SLC34A1: variants seen among roughly 807,000 people sequenced by gnomAD.
SLC34A1 encodes solute carrier family 34 member 1, also known as sodium-dependent phosphate transport protein 2A.
SLC34A1 carries 57 observed loss-of-function variants against 51.4 expected under a neutral mutation model. The ratio of observed to expected loss-of-function variants is 1.11; its 90% CI spans 0.90 to 1.38. The LOEUF (loss-of-function observed/expected upper bound fraction) is 1.38. Ranked by LOEUF, SLC34A1 falls within the 40% of genes most tolerant of loss-of-function variation. The pLI, the probability that SLC34A1 is intolerant of heterozygous loss-of-function variation, is 0.00. For missense variants in SLC34A1, 796 were observed against 835.6 expected, an observed-to-expected ratio of 0.95 and a Z score of 0.58; for synonymous variants, 368 against 358.0, an observed-to-expected ratio of 1.03 and a Z score of -0.32.
rs201304511 is a variant in SLC34A1, at chr5:177,387,874, G to A, written c.644+1G>A. 124 of 1,610,972 alleles carry A rather than the reference G, an allele frequency of 7.7e-5. No individual in the cohort carries two copies. The highest frequency in any genetic ancestry group is 3.3e-4 in the Middle Eastern group (2 of 6,076). On this transcript the variant is annotated splice_donor_variant, in intron 6 of 12. Coordinates refer to ENST00000324417, the MANE Select transcript of SLC34A1 (RefSeq NM_003052.5). LOFTEE classifies it high-confidence loss of function. The stretch of plus-strand genomic sequence containing the variant: ...CGGGGGACAGGACTGACTTCCGGCG[G>A]TGAGGGGGGCTGGGGGTTGGGGGCT...
At position 177,389,971 on chromosome 5, in the gene SLC34A1, AC is replaced by A. The variant is rs1234105156; in HGVS notation, c.936+1602del. ...GCTTGGAGAGTAGCTGGTGGGTGGG[AC>A]CCAAGCTCTCACTTTCATCCCCTTT... On this transcript the variant is annotated intron_variant, in intron 8 of 12. Coordinates refer to ENST00000324417, the MANE Select transcript of SLC34A1 (RefSeq NM_003052.5). 2.2e-6 allele frequency: 3 copies of A among 1,386,050 alleles called. No homozygotes were observed. In the African/African-American group the frequency reaches 4.4e-5, roughly 20 times the overall value. 85.9% of individuals were successfully genotyped at this position (1,386,050 alleles called of 1,614,324 possible). A position where few individuals can be genotyped will look rare whatever the true frequency, so the allele number is the denominator to read the frequency against.
At chr5:177,395,230 G>A (rs1358028835) in intron 10 of SLC34A1, among the ~76,000 whole-genome samples, 1 of 151,940 alleles carries the variant, frequency 6.6e-6, no homozygotes, top group Non-Finnish European at 1.5e-5. Flanking sequence ...TGAATTAGGG[G>A]GATAAATTCA....
At position 177,386,245 on chromosome 5, in the gene SLC34A1, G is replaced by C. The variant is rs145798898; in HGVS notation, c.284G>C (p.Arg95Pro). 1 of 1,544,210 alleles carries C rather than the reference G, an allele frequency of 6.5e-7. No individual in the cohort carries two copies. Among genetic ancestry groups the C allele is most frequent in the Non-Finnish European group, 8.9e-7 (1 of 1,120,096 alleles). ...KPESRLVPKLRQAGAMLLKVP... is the reference protein window; with the variant it reads ...KPESRLVPKLPQAGAMLLKVP... ...GAGTCCAGGCTGGTCCCCAAGCTGC[G>C]CCAGGCTGGCGCCATGCTGCTCAAG... Residue 95 changes from arginine (R) to proline (P), a missense_variant, in exon 4 of 13, where the codon CGC becomes CCC. By Grantham distance (103) the Arg-to-Pro change is moderately radical (BLOSUM62 -2). Transcript: ENST00000324417. The surrounding 1 kb of genome is among the most constrained non-coding windows in gnomAD (Gnocchi z 4.8).
intron 12 of SLC34A1, 102 bp from the exon 13 acceptor site, chr5:177,397,681 C>G: frequency 6.6e-7 from 1 of 1,513,966 alleles, no homozygotes; most frequent in Non-Finnish European, 9.1e-7. Context: ...AACTTTCCTG[C>G]TGCCCAGACC....
At chr5:177,394,300 AC>A (rs1480607301) in intron 10 of SLC34A1, 105 bp downstream of exon 10, 9 of 1,265,568 alleles carry the variant, frequency 7.1e-6, no homozygotes, top group Admixed American at 1.8e-5. Context: ...CATCTCTGAG[AC>A]TCAGTTTCCC....
intron 8 of SLC34A1, among the ~76,000 whole-genome samples, chr5:177,390,686 C>G (rs566486277): frequency 6.6e-6 from 1 of 151,994 alleles, no homozygotes; most frequent in Admixed American, 6.6e-5. Flanking sequence ...CCAGGTGGTG[C>G]TGCTGGCACA....
In SLC34A1 at chr5:177,397,827, G is replaced by A; in HGVS notation, c.1461G>A (p.Leu487=). ...TCTTCAACATCTCGGGTATCCTTCT[G>A]TGGTACCCGGTGCCCTGCACACGCC... ...HFFFNISGIL[L]WYPVPCTRLP... Residue 487 remains leucine, a synonymous_variant, in exon 13 of 13, where the codon CTG becomes CTA. Coordinates refer to ENST00000324417, the MANE Select transcript of SLC34A1 (RefSeq NM_003052.5). 1.2e-6 allele frequency: 2 copies of A among 1,613,212 alleles called. No individual in the cohort carries two copies. The highest frequency in any genetic ancestry group is 2.2e-5 in the South Asian group (2 of 91,082).
chr5:177,390,512 G>C (rs1380312169), intron 8 of SLC34A1: 2 of 348,856 alleles, frequency 5.7e-6, no homozygotes. Context: ...GTAGAATCCT[G>C]ACTATCTCGT....
In SLC34A1 at chr5:177,386,544, C is replaced by A. The variant is rs552176812; in HGVS notation, c.510C>A (p.Ile170=). 1 of 1,614,068 alleles carries A rather than the reference C, an allele frequency of 6.2e-7. No individual in the cohort carries two copies. The highest frequency in any genetic ancestry group is 8.5e-7 in the Non-Finnish European group (1 of 1,179,926). The change falls in exon 5 of 13, where the codon ATC becomes ATA. Residue 170 remains isoleucine (I), a synonymous_variant. Coordinates refer to ENST00000324417, the MANE Select transcript of SLC34A1 (RefSeq NM_003052.5). The surrounding 1 kb of genome is among the most constrained non-coding windows in gnomAD (Gnocchi z 4.8). ...VQSSSTSTSI[I]VSMVSSGLLE... ...GCTCCAGCACCTCCACATCCATCAT[C>A]GTCAGCATGGTCTCCTCTGGCTGTG...
At position 177,397,832 on chromosome 5, in the gene SLC34A1, A is replaced by G. The variant is rs756685605; in HGVS notation, c.1466A>G (p.Tyr489Cys). ...AACATCTCGGGTATCCTTCTGTGGT[A>G]CCCGGTGCCCTGCACACGCCTGCCC... ...FFNISGILLW[Y>C]PVPCTRLPIR... is the part of the protein sequence containing the mutation. Residue 489 changes from tyrosine to cysteine, a missense_variant, in exon 13 of 13, where the codon TAC (tyrosine) becomes TGC (cysteine). Physicochemically the swap from Tyr to Cys is radical, Grantham distance 194 (BLOSUM62 -2). Transcript: ENST00000324417. 71 of 1,613,100 alleles carry G rather than the reference A, an allele frequency of 4.4e-5. No homozygotes were observed. Among genetic ancestry groups the G allele is most frequent in the Non-Finnish European group, 5.8e-5 (69 of 1,180,012 alleles).
At chr5:177,391,710 G>A (rs945120395) in intron 8 of SLC34A1, among the ~76,000 whole-genome samples, 2 of 152,222 alleles carry the variant, frequency 1.3e-5, no homozygotes, top group African/African-American at 2.4e-5. Flanking sequence ...CGGGCCCAGC[G>A]AGGGAGAGGG....
rs34225933 is a variant in SLC34A1, at chr5:177,398,068, C to T, written c.1702C>T (p.His568Tyr). ...TGTCCTGCAGAGTCGGAGTCCCGGG[C>T]ACCTGCCCAAGTGGTTACAGACATG... ...INVLQSRSPG[H>Y]LPKWLQTWDF... is the part of the protein sequence containing the mutation. The change falls in exon 13 of 13, where the codon CAC becomes TAC. Residue 568 changes from histidine to tyrosine, a missense_variant. Physicochemically the swap from His to Tyr is moderately conservative, Grantham distance 83. Transcript: ENST00000324417. This position sits in a 1 kb window ranked among gnomAD's most constrained non-coding sequence, Gnocchi z 4.7. The T allele has an allele frequency of 0.029, 46,544 of 1,613,832 alleles. 757 individuals are homozygous for T. The highest frequency in any genetic ancestry group is 0.034 in the Non-Finnish European group (39,843 of 1,179,802).
At chr5:177,394,688 CTTTTTTTTTTT>C (rs34736156) in intron 10 of SLC34A1, among the ~76,000 whole-genome samples, 8 of 105,092 alleles carry the variant, frequency 7.6e-5, no homozygotes, top group East Asian at 5.5e-4. Flanking sequence ...GAGACTTTGT[CTTTTTTTTTTT>C]TTTTTTTTTT....
chr5:177,386,169 G>C lies in SLC34A1; in HGVS notation c.259+33G>C. 6.2e-7 allele frequency: 1 copy of C among 1,613,674 alleles called. No individual in the cohort carries two copies. The highest frequency in any genetic ancestry group is 1.1e-5 in the South Asian group (1 of 91,080). ...TGGGCTGGGGGTGGCAGAGGCGGCA[G>C]CAGTCCCTGCCCTGGCCTCTGCCCA... On this transcript the variant is annotated intron_variant, in intron 3 of 12. Coordinates refer to ENST00000324417, the MANE Select transcript of SLC34A1 (RefSeq NM_003052.5). This position sits in a 1 kb window ranked among gnomAD's most constrained non-coding sequence, Gnocchi z 4.8.
Position 177,398,188 on chromosome 5 carries a change from C to A in SLC34A1, c.1822C>A (p.Pro608Thr). Reference protein sequence around the residue: ...LCCARPEPRSPPLPPRVFLEE... With the variant: ...LCCARPEPRSTPLPPRVFLEE... ...CTGTGCCAGGCCTGAGCCCCGCTCA[C>A]CCCCGCTGCCCCCCAGGGTCTTCCT... is the stretch of plus-strand genomic sequence containing the variant. The change falls in exon 13 of 13, where the codon CCC becomes ACC. Residue 608 changes from proline (P) to threonine (T), a missense_variant. By Grantham distance (38) the Pro-to-Thr change is conservative. Transcript: ENST00000324417. This position sits in a 1 kb window ranked among gnomAD's most constrained non-coding sequence, Gnocchi z 4.7. 1.9e-6 allele frequency: 3 copies of A among 1,610,014 alleles called. No homozygotes were observed. The highest frequency in any genetic ancestry group is 2.5e-6 in the Non-Finnish European group (3 of 1,179,836).
intron 12 of SLC34A1, 68 bp downstream of exon 12, chr5:177,397,142 GGT>G: frequency 6.3e-7 from 1 of 1,575,156 alleles, no homozygotes. Flanking sequence ...GCCTCACAAA[GGT>G]GTGACAACAT....
intron 1 of SLC34A1, among the ~76,000 whole-genome samples, chr5:177,385,021 AG>A (rs201345824): frequency 6.6e-6 from 1 of 152,032 alleles, no homozygotes; most frequent in Non-Finnish European, 1.5e-5. Flanking sequence ...TGCGGGGACA[AG>A]GGGGGGCTGA....
chr5:177,392,285 A>T (rs1762832225), intron 8 of SLC34A1, among the ~76,000 whole-genome samples: 1 of 152,204 alleles, frequency 6.6e-6, no homozygotes, highest in Admixed American at 6.5e-5. Flanking sequence ...AACATGGCGA[A>T]ACCCCATCTC....
intron 12 of SLC34A1, 53 bp from the exon 13 acceptor site, chr5:177,397,730 A>C: frequency 6.3e-7 from 1 of 1,599,370 alleles, no homozygotes; most frequent in Non-Finnish European, 8.5e-7. Context: ...CTGGCCTGAC[A>C]CAGGACCTGG....
Sources: gnomAD v4.1 joint callset for allele counts (sites outside exome capture counted in the v4.1 genomes callset) on GRCh38, gnomAD v4.1.1 for gene constraint, Gnocchi (gnomAD v3.1) non-coding constraint, MANE v1.5 for transcripts, NCBI Gene and HGNC (gene_info 2026-07-23, HGNC 2026-07-21) for gene names.